The following KCNT2 variants were observed in gnomAD, a reference collection of about 807,000 sequenced individuals.
The protein encoded by KCNT2 is potassium sodium-activated channel subfamily T member 2.
Under a neutral mutation model 153.8 loss-of-function variants are expected in KCNT2, and 67 were observed. That is an observed-to-expected ratio of 0.44 (90% CI 0.36 to 0.53). The LOEUF is 0.53. Among genes scored for constraint, KCNT2 ranks in the 20% least tolerant of loss-of-function variants. The pLI is 0.00. For missense variants in KCNT2, 975 were observed against 1,354.8 expected, an observed-to-expected ratio of 0.72 and a Z score of 4.40; for synonymous variants, 500 against 458.8, an observed-to-expected ratio of 1.09 and a Z score of -1.15.
rs955002003 is a variant in KCNT2 at position 196,460,442 on chromosome 1, A to C, written c.638+4851T>G. ...CTTGATAAGGGTATTGTTATTCCAG[A>C]ATGCTATTTTCTATCAATTGCAAAT... is the stretch of plus-strand genomic sequence containing the variant. On this transcript the variant is annotated intron_variant, in intron 8 of 27. Coordinates refer to ENST00000294725, the MANE Select transcript of KCNT2 (RefSeq NM_198503.5). Among the ~76,000 whole-genome samples the C allele has an allele frequency of 2.6e-5, 4 of 151,784 alleles. No homozygotes were observed. In the Admixed American group the frequency reaches 2.6e-4, roughly 10 times the overall value.
At chr1:196,362,614 A>G (rs557272327) in intron 14 of KCNT2, among the ~76,000 whole-genome samples, 1 of 152,132 alleles carries the variant, frequency 6.6e-6, no homozygotes, top group Non-Finnish European at 1.5e-5. Context: ...ACTTTCATAA[A>G]GGTTTTGCTG....
At chr1:196,242,302 G>A (rs1487051047) in intron 26 of KCNT2, among the ~76,000 whole-genome samples, 1 of 152,032 alleles carries the variant, frequency 6.6e-6, no homozygotes, top group Non-Finnish European at 1.5e-5. Flanking sequence ...AAAATTTAGT[G>A]ATGAATCTAA....
intron 12 of KCNT2, among the ~76,000 whole-genome samples, chr1:196,406,015 C>T (rs1357995653): frequency 6.6e-6 from 1 of 151,460 alleles, no homozygotes; most frequent in Non-Finnish European, 1.5e-5. Context: ...CAAATGTGAT[C>T]CTTGCCCAGA....
chr1:196,225,985 TTAAA>T lies in KCNT2; in HGVS notation c.*2235_*2238del, dbSNP rs1279526351. ...TCTTTTATAAGCATGTTTTTATTCTTTAAATAACAGAAAGACTAATAAATTATCA... is the reference window on the plus strand; with the variant it reads ...TCTTTTATAAGCATGTTTTTATTCTTTAACAGAAAGACTAATAAATTATCA... On this transcript the variant is annotated 3_prime_UTR_variant, in exon 28 of 28. Coordinates refer to ENST00000294725, the MANE Select transcript of KCNT2 (RefSeq NM_198503.5). 4 of 152,064 alleles carry T rather than the reference TTAAA, an allele frequency of 2.6e-5. No individual in the cohort carries two copies. Among genetic ancestry groups the T allele is most frequent in the Non-Finnish European group, 5.9e-5 (4 of 67,932 alleles). The allele number at this position is 152,064 out of a possible 1,614,324, so 9.4% of individuals were successfully genotyped here.
intron 22 of KCNT2, among the ~76,000 whole-genome samples, chr1:196,293,030 A>T (rs894745980): frequency 6.6e-6 from 1 of 151,536 alleles, no homozygotes; most frequent in African/African-American, 2.4e-5. Context: ...TCACAATAGC[A>T]TAAAAAAAAA....
At chr1:196,328,589 T>A (rs1367692757) in intron 18 of KCNT2, among the ~76,000 whole-genome samples, 1 of 151,504 alleles carries the variant, frequency 6.6e-6, no homozygotes, top group Non-Finnish European at 1.5e-5. Flanking sequence ...CAGCCATTAT[T>A]TGGAGCACAG....
intron 9 of KCNT2, among the ~76,000 whole-genome samples, chr1:196,428,607 A>T (rs1270276889): frequency 6.6e-6 from 1 of 152,078 alleles, no homozygotes; most frequent in African/African-American, 2.4e-5. Flanking sequence ...TCTCTGTCAA[A>T]TTCTAACCAT....
chr1:196,410,211 T>C (rs1292051150), intron 12 of KCNT2, among the ~76,000 whole-genome samples: 1 of 151,770 alleles, frequency 6.6e-6, no homozygotes, highest in African/African-American at 2.4e-5. Flanking sequence ...ATTCCTTATA[T>C]AGTTTTGAAA....
intron 1 of KCNT2, among the ~76,000 whole-genome samples, chr1:196,600,941 T>C (rs2149030117): frequency 6.6e-6 from 1 of 152,300 alleles, no homozygotes; most frequent in Admixed American, 6.5e-5. Context: ...AGTTTTGACT[T>C]TGTACTGTGT....
At chr1:196,344,665 T>C (rs966949238) in intron 14 of KCNT2, among the ~76,000 whole-genome samples, 13 of 152,140 alleles carry the variant, frequency 8.5e-5, no homozygotes, top group African/African-American at 2.7e-4. Flanking sequence ...GCAAGGGTAC[T>C]AAAAGCTATT....
intron 1 of KCNT2, among the ~76,000 whole-genome samples, chr1:196,583,289 G>T (rs1662285179): frequency 6.6e-6 from 1 of 152,088 alleles, no homozygotes; most frequent in Non-Finnish European, 1.5e-5. Context: ...CCAGCCTTGG[G>T]TGGCTGGTTG....
intron 22 of KCNT2, among the ~76,000 whole-genome samples, chr1:196,300,493 T>G (rs529985481): frequency 2.0e-5 from 3 of 152,038 alleles, no homozygotes; most frequent in Non-Finnish European, 1.5e-5. Flanking sequence ...TGAAATTAGG[T>G]CATAAGATCC....
intron 1 of KCNT2, among the ~76,000 whole-genome samples, chr1:196,570,590 T>C (rs890015343): frequency 9.9e-5 from 15 of 152,092 alleles, no homozygotes; most frequent in Non-Finnish European, 2.2e-4. Flanking sequence ...AAACAAGAAA[T>C]ACTTTATACA....
intron 8 of KCNT2, among the ~76,000 whole-genome samples, chr1:196,435,141 A>ATATATATATATATATATATATATG (rs1674525563): frequency 1.5e-5 from 1 of 68,466 alleles, no homozygotes; most frequent in South Asian, 4.2e-4. Flanking sequence ...GTGTGTATGT[A>ATATATATATATATATATATATATG]TATATATATA....
At chr1:196,592,537 T>G (rs917705534) in intron 1 of KCNT2, among the ~76,000 whole-genome samples, 1 of 147,466 alleles carries the variant, frequency 6.8e-6, no homozygotes, top group African/African-American at 2.5e-5. Context: ...ACTTTCTAAC[T>G]ATATATAAAT....
chr1:196,349,277 C>T (rs796680723), intron 14 of KCNT2, among the ~76,000 whole-genome samples: 7 of 152,262 alleles, frequency 4.6e-5, no homozygotes, highest in African/African-American at 1.7e-4. Flanking sequence ...AATTTCAGAT[C>T]TCCCATTCCT....
At chr1:196,423,632 A>T (rs73067662) in intron 11 of KCNT2, among the ~76,000 whole-genome samples, 7,095 of 151,378 alleles carry the variant, frequency 0.047, 552 homozygotes, top group African/African-American at 0.16. Flanking sequence ...GACACAGTAT[A>T]TTTTAGTGTT....
intron 25 of KCNT2, chr1:196,259,702 C>T (rs183563569): frequency 6.6e-6 from 1 of 152,054 alleles, no homozygotes; most frequent in Non-Finnish European, 1.5e-5. Context: ...ATGAAATTCT[C>T]TCACACTTAA....
chr1:196,381,347 G>T (rs1055696759), intron 13 of KCNT2, among the ~76,000 whole-genome samples: 1 of 151,668 alleles, frequency 6.6e-6, no homozygotes, highest in Non-Finnish European at 1.5e-5. Context: ...AATTTCTTTA[G>T]GTTCTAACCA....
Sources: allele counts gnomAD v4.1 joint callset (sites outside exome capture counted in the v4.1 genomes callset), GRCh38; gene constraint gnomAD v4.1.1; transcripts MANE v1.5; gene names NCBI Gene and HGNC (gene_info 2026-07-23, HGNC 2026-07-21).